STX5: variants seen among roughly 807,000 people sequenced by gnomAD.
STX5 encodes the protein syntaxin 5, also known as syntaxin-5.
STX5 carries 15 observed loss-of-function variants against 42.9 expected under a neutral mutation model. The observed-to-expected ratio is 0.35, with a 90% CI of 0.23 to 0.54. The LOEUF is 0.54. STX5 is among the 20% of genes least tolerant of loss of function. The probability of loss-of-function intolerance (pLI) is 0.91; values close to 1 mark genes in which losing one functional copy is unlikely to be tolerated. For missense variants in STX5, 430 were observed against 455.0 expected, an observed-to-expected ratio of 0.95 and a Z score of 0.50; for synonymous variants, 184 against 173.2, an observed-to-expected ratio of 1.06 and a Z score of -0.49.
In STX5 at chr11:62,814,888, C is replaced by G. The variant is rs531947605; in HGVS notation, c.909-7260G>C. On this transcript the variant is annotated intron_variant, in intron 10 of 10. Transcript: ENST00000294179. ...GGATTACAGGTGTGAGCCACTATGC[C>G]TGGCTTTCTGATTTAATATTTAAAA... 3.3e-5 allele frequency among the ~76,000 whole-genome samples: 5 copies of G among 152,266 alleles called. No individual in the cohort carries two copies. The South Asian group carries it at 8.3e-4, about 25-fold the overall frequency.
chr11:62,820,264 C>T lies in STX5; in HGVS notation c.908+3902G>A, dbSNP rs369169492. Among the ~76,000 whole-genome samples, 7 of 149,946 alleles carry T rather than the reference C, an allele frequency of 4.7e-5. No individual in the cohort carries two copies. In the East Asian group the frequency reaches 6.4e-4, roughly 14 times the overall value. ...GCGGGAGCCTGTAGTACCAGCTACT[C>T]GGGAGGCTGAGGCAGAATGGCGTGA... is the stretch of plus-strand genomic sequence containing the variant. On this transcript the variant is annotated intron_variant, in intron 10 of 10. Coordinates refer to ENST00000294179, the MANE Select transcript of STX5 (RefSeq NM_003164.5).
rs2084595942 is a variant in STX5 at position 62,809,739 on chromosome 11, TTAGCATGCTG to T, written c.909-2121_909-2112del. The stretch of plus-strand genomic sequence containing the variant: ...GGCTGTTCAGGAGAATGCCTTATTA[TTAGCATGCTG>T]TAGTATCTAGGAATAAAACAGCATG... On this transcript the variant is annotated intron_variant, in intron 10 of 10. Coordinates refer to ENST00000294179, the MANE Select transcript of STX5 (RefSeq NM_003164.5). 3.4e-5 allele frequency among the ~76,000 whole-genome samples: 5 copies of T among 146,580 alleles called. No homozygotes were observed. In the South Asian group the frequency reaches 1.1e-3, roughly 31 times the overall value.
rs1056460034 is a variant in STX5 at position 62,807,157 on chromosome 11, G to A, written c.*312C>T. On this transcript the variant is annotated 3_prime_UTR_variant, in exon 11 of 11. Coordinates refer to ENST00000294179, the MANE Select transcript of STX5 (RefSeq NM_003164.5). ...GCTTCCTTTGGGAGAGGCTGGAGAG[G>A]GTTTATAAAAATCTCCTAGTGGAAA... 9 of 223,524 alleles carry A rather than the reference G, an allele frequency of 4.0e-5. No individual in the cohort carries two copies. Among genetic ancestry groups the A allele is most frequent in the Non-Finnish European group, 8.1e-5 (9 of 110,948 alleles). 13.8% of individuals were successfully genotyped at this position (223,524 alleles called of 1,614,324 possible).
In STX5 at chr11:62,807,315, G is replaced by C. The variant is rs2063008145; in HGVS notation, c.*154C>G. On this transcript the variant is annotated 3_prime_UTR_variant, in exon 11 of 11. Transcript: ENST00000294179. ...GGAGGACAGGGTGGCCAGAGGCAAG[G>C]GGTGGGGGATCAGGGGCAGTGGTCA... is the stretch of plus-strand genomic sequence containing the variant. 8.1e-7 allele frequency: 1 copy of C among 1,227,742 alleles called. No homozygotes were observed. Among genetic ancestry groups the C allele is most frequent in the African/African-American group, 1.5e-5 (1 of 65,450 alleles). 76.1% of individuals were successfully genotyped at this position (1,227,742 alleles called of 1,614,324 possible).
At chr11:62,807,656 AC>A (rs1416463726) in intron 10 of STX5, 28 bp from the exon 11 acceptor site, 1 of 1,612,816 alleles carries the variant, frequency 6.2e-7, no homozygotes, top group African/African-American at 1.3e-5. Context: ...AGAAGAGGAA[AC>A]AAAAGGACAC....
At chr11:62,827,908 C>T (rs2084813811) in intron 2 of STX5, among the ~76,000 whole-genome samples, 1 of 151,732 alleles carries the variant, frequency 6.6e-6, no homozygotes, top group Non-Finnish European at 1.5e-5. Context: ...TGAAGACAAT[C>T]CACACATCTC....
Position 62,824,544 on chromosome 11 carries a change from C to G in STX5, c.701G>C (p.Gly234Ala). 1 of 1,614,056 alleles carries G rather than the reference C, an allele frequency of 6.2e-7. No individual in the cohort carries two copies. Among genetic ancestry groups the G allele is most frequent in the Non-Finnish European group, 8.5e-7 (1 of 1,179,994 alleles). The change falls in exon 9 of 11, where the codon GGG becomes GCG. Residue 234 changes from glycine to alanine, a missense_variant. Gly to Ala is a moderately conservative substitution (Grantham distance 60, BLOSUM62 0). Coordinates refer to ENST00000294179, the MANE Select transcript of STX5 (RefSeq NM_003164.5). Reference sequence around the variant, plus strand: ...ATCCTTGGAGGCATGGGACTCTGCCCCCAGAACCACAGCACCACCGCCTGG... The same window carrying G: ...ATCCTTGGAGGCATGGGACTCTGCCGCCAGAACCACAGCACCACCGCCTGG... ...NHLGGGAVVL[G>A]AESHASKDVA... is the part of the protein sequence containing the mutation.
At chr11:62,818,245 C>CAAAA (rs71056566) in intron 10 of STX5, among the ~76,000 whole-genome samples, 3 of 74,920 alleles carry the variant, frequency 4.0e-5, no homozygotes, top group Admixed American at 1.7e-4. Flanking sequence ...AACTCCATCT[C>CAAAA]AAAAAAAAAA....
intron 10 of STX5, among the ~76,000 whole-genome samples, chr11:62,813,151 G>A (rs1237580005): frequency 1.3e-5 from 2 of 150,444 alleles, no homozygotes; most frequent in Non-Finnish European, 3.0e-5. Context: ...GTGCATGCCT[G>A]TAATCCCAGC....
At chr11:62,829,645 T>A (rs570257405) in intron 2 of STX5, among the ~76,000 whole-genome samples, 86 of 151,926 alleles carry the variant, frequency 5.7e-4, no homozygotes, top group Non-Finnish European at 9.4e-4. Context: ...ATGCCTATAA[T>A]CCCAGCTACT....
Position 62,807,326 on chromosome 11 carries a change from C to G in STX5, c.*143G>C. On this transcript the variant is annotated 3_prime_UTR_variant, in exon 11 of 11. Coordinates refer to ENST00000294179, the MANE Select transcript of STX5 (RefSeq NM_003164.5). Reference sequence around the variant, plus strand: ...TGGCCAGAGGCAAGGGGTGGGGGATCAGGGGCAGTGGTCATTCTTAGCAGT... The same window carrying G: ...TGGCCAGAGGCAAGGGGTGGGGGATGAGGGGCAGTGGTCATTCTTAGCAGT... The G allele has an allele frequency of 7.6e-7, 1 of 1,318,984 alleles. No individual in the cohort carries two copies. The highest frequency in any genetic ancestry group is 1.0e-6 in the Non-Finnish European group (1 of 985,612). The allele number at this position is 1,318,984 out of a possible 1,614,324, so 81.7% of individuals were successfully genotyped here. A position where few individuals can be genotyped will look rare whatever the true frequency, so the allele number is the denominator to read the frequency against.
chr11:62,810,312 T>C (rs922838364), intron 10 of STX5, among the ~76,000 whole-genome samples: 1 of 151,612 alleles, frequency 6.6e-6, no homozygotes, highest in Non-Finnish European at 1.5e-5. Flanking sequence ...CATGGTGGCA[T>C]GTACCTGTTA....
intron 10 of STX5, chr11:62,807,959 C>G (rs1284122193): frequency 3.8e-6 from 1 of 264,412 alleles, no homozygotes; most frequent in African/African-American, 2.2e-5. Context: ...CCCACAAGAG[C>G]CCCGAAAATG....
intron 6 of STX5, 33 bp downstream of exon 6, chr11:62,825,390 C>T: frequency 6.2e-7 from 1 of 1,614,150 alleles, no homozygotes; most frequent in Non-Finnish European, 8.5e-7. Context: ...CATTCTTCCT[C>T]TTTGCCTCCC....
intron 2 of STX5, among the ~76,000 whole-genome samples, chr11:62,827,887 C>T (rs753207214): frequency 1.3e-5 from 2 of 151,862 alleles, no homozygotes; most frequent in African/African-American, 2.4e-5. Flanking sequence ...TCTACTTTCT[C>T]TTCTATAAAA....
intron 10 of STX5, among the ~76,000 whole-genome samples, chr11:62,819,387 A>C (rs1347225143): frequency 1.3e-5 from 2 of 151,716 alleles, no homozygotes; most frequent in Non-Finnish European, 2.9e-5. Flanking sequence ...GTGCTTCTTC[A>C]GGATAAAGGG....
At chr11:62,807,871 G>C (rs1355793187) in intron 10 of STX5, 18 of 602,052 alleles carry the variant, frequency 3.0e-5, no homozygotes, top group Non-Finnish European at 4.6e-5. Context: ...TTTCCTCACC[G>C]GCAAAATGAG....
intron 2 of STX5, among the ~76,000 whole-genome samples, chr11:62,829,240 T>C (rs1444147490): frequency 6.7e-6 from 1 of 148,480 alleles, no homozygotes; most frequent in Non-Finnish European, 1.5e-5. Flanking sequence ...GCCTGACCAA[T>C]ATGGAGAAAC....
At position 62,825,092 on chromosome 11, in the gene STX5, C is replaced by T; in HGVS notation, c.623G>A (p.Arg208Lys). ...CACAGGTGCCCGGGAGAACTGCTCT[C>T]TCCGGCTCCTCTGCTGCTTCAGGTT... ...TENLKQQRSR[R>K]EQFSRAPVSA... The change falls in exon 8 of 11, where the codon AGA becomes AAA. Residue 208 changes from arginine (R) to lysine (K), a missense_variant. Arg to Lys is a conservative substitution (Grantham distance 26). Coordinates refer to ENST00000294179, the MANE Select transcript of STX5 (RefSeq NM_003164.5). 6.2e-7 allele frequency: 1 copy of T among 1,613,726 alleles called. No individual in the cohort carries two copies. The highest frequency in any genetic ancestry group is 1.7e-4 in the Middle Eastern group (1 of 6,060).
Sources: gnomAD v4.1 joint callset for allele counts (sites outside exome capture counted in the v4.1 genomes callset) on GRCh38, gnomAD v4.1.1 for gene constraint, MANE v1.5 for transcripts, NCBI Gene and HGNC (gene_info 2026-07-23, HGNC 2026-07-21) for gene names.